The following ERG variants were observed in gnomAD, a reference collection of about 807,000 sequenced individuals.
ERG encodes transcriptional regulator ERG.
ERG carries 9 observed loss-of-function variants against 55.3 expected under a neutral mutation model. The ratio of observed to expected loss-of-function variants is 0.16; its 90% CI spans 0.10 to 0.28. The LOEUF is 0.28. ERG is among the 10% of genes least tolerant of loss of function. The probability of loss-of-function intolerance (pLI) is 1.00; values close to 1 mark genes in which losing one functional copy is unlikely to be tolerated. For missense variants in ERG, 434 were observed against 631.6 expected (o/e 0.69, Z 3.35); for synonymous variants, 223 against 237.3 (o/e 0.94, Z 0.55).
chr21:38,549,383 A>T (rs1243790276), intron 2 of ERG, among the ~76,000 whole-genome samples: 1 of 152,032 alleles, frequency 6.6e-6, no homozygotes, highest in African/African-American at 2.4e-5. Context: ...ACAGGGAGAG[A>T]TCTAAACAGC....
chr21:38,510,328 G>A (rs1046178873), intron 2 of ERG, among the ~76,000 whole-genome samples: 3 of 152,174 alleles, frequency 2.0e-5, no homozygotes, highest in Non-Finnish European at 4.4e-5. Flanking sequence ...AAAGCTGTTC[G>A]AGCTTTTCAT....
intron 2 of ERG, among the ~76,000 whole-genome samples, chr21:38,573,632 AC>A (rs1254236068): frequency 6.6e-6 from 1 of 152,148 alleles, no homozygotes; most frequent in African/African-American, 2.4e-5. Flanking sequence ...TTTTTTGCTG[AC>A]CTTCTCCTTA....
upstream of ERG, among the ~76,000 whole-genome samples, chr21:38,588,884 C>A (rs1483071456): frequency 2.3e-5 from 3 of 132,684 alleles, no homozygotes; most frequent in Non-Finnish European, 5.0e-5. Context: ...CACCACCATG[C>A]CTGGCTAATT....
intron 1 of ERG, among the ~76,000 whole-genome samples, chr21:38,578,469 G>A (rs902197207): frequency 1.3e-5 from 2 of 152,004 alleles, no homozygotes; most frequent in Non-Finnish European, 2.9e-5. Flanking sequence ...CTTATTTTTG[G>A]GCGGCCTATA....
At chr21:38,595,083 G>A (rs1265656288) in intron 1 of ERG, among the ~76,000 whole-genome samples, 5 of 152,170 alleles carry the variant, frequency 3.3e-5, no homozygotes, top group Non-Finnish European at 7.4e-5. Context: ...TTGGTTGGAC[G>A]ATGAGGGTTT....
intron 1 of ERG, among the ~76,000 whole-genome samples, chr21:38,646,073 GTTCGAGACCAGCC>G (rs2060454347): frequency 6.6e-6 from 1 of 152,098 alleles, no homozygotes; most frequent in African/African-American, 2.4e-5. Flanking sequence ...GAGGTCAGGA[GTTCGAGACCAGCC>G]TAGCCAACAG....
At chr21:38,488,195 G>C (rs2059304198) in intron 1 of ERG, among the ~76,000 whole-genome samples, 1 of 152,122 alleles carries the variant, frequency 6.6e-6, no homozygotes, top group Non-Finnish European at 1.5e-5. Context: ...GCATTTAAGA[G>C]GCTCAGCATT....
chr21:38,593,142 C>A (rs1299924299), intron 1 of ERG, among the ~76,000 whole-genome samples: 6 of 152,210 alleles, frequency 3.9e-5, no homozygotes, highest in Non-Finnish European at 7.3e-5. Flanking sequence ...TCCACCAGAA[C>A]AAAACACACA....
chr21:38,629,057 T>A (rs73444322), intron 1 of ERG, among the ~76,000 whole-genome samples: 2 of 151,934 alleles, frequency 1.3e-5, no homozygotes, highest in South Asian at 4.1e-4. Flanking sequence ...AATAGCAGAG[T>A]TTCCTGCACA....
intron 1 of ERG, among the ~76,000 whole-genome samples, chr21:38,613,573 G>A (rs1000297110): frequency 7.9e-5 from 12 of 152,202 alleles, no homozygotes; most frequent in Non-Finnish European, 1.3e-4. Context: ...AGCAGGTAAC[G>A]CCTGCAGACT....
In ERG at chr21:38,400,207, G is replaced by A. The variant is rs188208471; in HGVS notation, c.745+367C>T. On this transcript the variant is annotated intron_variant, in intron 6 of 9. Coordinates refer to ENST00000288319, the MANE Select transcript of ERG (RefSeq NM_182918.4). ...GGCTTCTTGTGACATACTGATAATC[G>A]GTCACTGTGAATCTGGGGAGTGTCC... 1,721 of 430,862 alleles carry A rather than the reference G, an allele frequency of 4.0e-3. 9 individuals are homozygous for A. The highest frequency in any genetic ancestry group is 6.6e-3 in the Non-Finnish European group (1,481 of 225,866). The allele number at this position is 430,862 out of a possible 1,614,324, so 26.7% of individuals were successfully genotyped here.
chr21:38,404,365 T>C (rs920224193), intron 3 of ERG, among the ~76,000 whole-genome samples: 2 of 152,114 alleles, frequency 1.3e-5, no homozygotes, highest in South Asian at 4.1e-4. Context: ...GGTTGGTGAG[T>C]GGTTTTTGCA....
chr21:38,614,494 G>A (rs556280641), intron 1 of ERG, among the ~76,000 whole-genome samples: 2 of 152,222 alleles, frequency 1.3e-5, no homozygotes, highest in South Asian at 4.2e-4. Flanking sequence ...TCCATCCTTG[G>A]GACCACGCAG....
At chr21:38,370,687 T>C in the ERG span, among the ~76,000 whole-genome samples, 2 of 152,106 alleles carry the variant, frequency 1.3e-5, no homozygotes, top group African/African-American at 4.8e-5. Flanking sequence ...ATCCACTCTT[T>C]CTGAGTTGAT....
chr21:38,538,917 A>G (rs2059731008), intron 2 of ERG, among the ~76,000 whole-genome samples: 1 of 152,076 alleles, frequency 6.6e-6, no homozygotes, highest in South Asian at 2.1e-4. Flanking sequence ...TCCTCCAGGA[A>G]CAGAGACTGC....
Position 38,475,667 on chromosome 21 carries a change from G to A in ERG, c.18+22696C>T, listed in dbSNP as rs543720370. Among the ~76,000 whole-genome samples the A allele has an allele frequency of 5.9e-5, 9 of 152,108 alleles. No individual in the cohort carries two copies. The South Asian group carries it at 6.2e-4, about 11-fold the overall frequency. On this transcript the variant is annotated intron_variant, in intron 1 of 9. Transcript: ENST00000288319. ...TCATGTTCTCTAAACTAGAGGTCCC[G>A]CCCCCCGGCCACCTGGCTCTATCAT... is the stretch of plus-strand genomic sequence containing the variant.
chr21:38,403,751 G>C (rs759647988), intron 3 of ERG, 42 bp from the exon 4 acceptor site: 5 of 1,587,492 alleles, frequency 3.1e-6, no homozygotes. Context: ...CCTGAAGCCA[G>C]GGATCTTCAT....
chr21:38,422,244 C>A, intron 3 of ERG, among the ~76,000 whole-genome samples: 1 of 152,160 alleles, frequency 6.6e-6, no homozygotes, highest in African/African-American at 2.4e-5. Flanking sequence ...GCTGAGCTGA[C>A]GCCAAATTCA....
At chr21:38,433,581 G>A (rs56180262) in intron 2 of ERG, among the ~76,000 whole-genome samples, 29,621 of 151,792 alleles carry the variant, frequency 0.2, 3,097 homozygotes, top group South Asian at 0.3. Context: ...GGCAATTTCC[G>A]TCATGGAAAG....
Sources: allele counts gnomAD v4.1 joint callset (sites outside exome capture counted in the v4.1 genomes callset), GRCh38; gene constraint gnomAD v4.1.1; transcripts MANE v1.5; gene names NCBI Gene and HGNC (gene_info 2026-07-23, HGNC 2026-07-21).